LAMA2: variants seen among roughly 807,000 people sequenced by gnomAD.
LAMA2 encodes the protein laminin subunit alpha-2.
A neutral mutation model predicts 364.8 loss-of-function variants in LAMA2; 269 were observed. The ratio of observed to expected loss-of-function variants is 0.74; its 90% CI spans 0.67 to 0.82. The LOEUF (loss-of-function observed/expected upper bound fraction) is 0.82, where lower values mean the gene tolerates loss of function less well. Ranked by LOEUF, LAMA2 falls within the 40% of genes least tolerant of loss-of-function variation. LAMA2 has a pLI of 0.00. For synonymous variants in LAMA2, 1,379 were observed against 1,370.6 expected, an observed-to-expected ratio of 1.01 and a Z score of -0.14; for missense variants, 3,807 against 3,873.2, an observed-to-expected ratio of 0.98 and a Z score of 0.45.
rs1583768544 is a variant in LAMA2 at position 129,445,725 on chromosome 6, TAAACTC to T, written c.6338_6343del (p.Leu2113_Lys2114del). 8 of 1,613,814 alleles carry T rather than the reference TAAACTC, an allele frequency of 5.0e-6. No homozygotes were observed. The highest frequency in any genetic ancestry group is 6.8e-6 in the Non-Finnish European group (8 of 1,179,838). ...AACAGGAAGCTGACCGGCTAATAGA[TAAACTC>T]AAACCCATCAAGGAACTTGAGGATA... is the stretch of plus-strand genomic sequence containing the variant. On this transcript the variant is annotated inframe_deletion, in exon 45 of 65. Transcript: ENST00000421865.
At chr6:129,017,138 T>C (rs1447785979) in intron 1 of LAMA2, among the ~76,000 whole-genome samples, 8 of 151,994 alleles carry the variant, frequency 5.3e-5, no homozygotes, top group Non-Finnish European at 1.0e-4. Context: ...ATAAAACTCT[T>C]TTCTGAACAA....
rs1777772044 is a variant in LAMA2 at position 129,136,039 on chromosome 6, AAGTG to A, written c.640-7859_640-7856del. Among the ~76,000 whole-genome samples, 9 of 152,274 alleles carry A rather than the reference AAGTG, an allele frequency of 5.9e-5. No individual in the cohort carries two copies. In the South Asian group the frequency reaches 1.9e-3, roughly 32 times the overall value. On this transcript the variant is annotated intron_variant, in intron 4 of 64. Transcript: ENST00000421865. ...TCAAATTCCTTTCAGAGAAAAAAAA[AAGTG>A]AGAGGGAAGGGGGAAATTTGCATTT...
chr6:128,991,792 A>T (rs79483681), intron 1 of LAMA2, among the ~76,000 whole-genome samples: 3 of 152,186 alleles, frequency 2.0e-5, no homozygotes, highest in African/African-American at 7.2e-5. Flanking sequence ...AAAACTTTCT[A>T]TGTGCCCCTG....
intron 58 of LAMA2, among the ~76,000 whole-genome samples, chr6:129,498,346 A>G (rs1785356051): frequency 6.6e-6 from 1 of 152,218 alleles, no homozygotes; most frequent in African/African-American, 2.4e-5. Flanking sequence ...CACCTTTAAG[A>G]CCTAAGTACA....
At chr6:129,302,419 T>C (rs1008565378) in intron 22 of LAMA2, among the ~76,000 whole-genome samples, 3 of 152,092 alleles carry the variant, frequency 2.0e-5, no homozygotes, top group African/African-American at 7.2e-5. Context: ...ACATGTTCTT[T>C]AACGTATGTT....
intron 29 of LAMA2, among the ~76,000 whole-genome samples, chr6:129,330,826 G>T (rs571511880): frequency 6.6e-6 from 1 of 151,504 alleles, no homozygotes; most frequent in African/African-American, 2.4e-5. Context: ...TTACTCAAGT[G>T]AACTCCAACA....
At chr6:129,064,980 T>C (rs9482977) in intron 3 of LAMA2, among the ~76,000 whole-genome samples, 4,276 of 152,226 alleles carry the variant, frequency 0.028, 194 homozygotes, top group African/African-American at 0.098. Flanking sequence ...AGATCAATAT[T>C]TTTGATGAAC....
intron 10 of LAMA2, among the ~76,000 whole-genome samples, chr6:129,179,121 G>A (rs1280138538): frequency 2.6e-5 from 4 of 151,668 alleles, no homozygotes; most frequent in African/African-American, 7.3e-5. Flanking sequence ...GTGTGTGAGT[G>A]ATTGCTTGCT....
intron 4 of LAMA2, among the ~76,000 whole-genome samples, chr6:129,119,086 A>G (rs970820628): frequency 6.6e-6 from 1 of 152,238 alleles, no homozygotes; most frequent in Non-Finnish European, 1.5e-5. Context: ...CACTGCTAGC[A>G]GCAATTAACA....
In LAMA2 at chr6:129,149,066, G is replaced by A; in HGVS notation, c.997G>A (p.Gly333Arg). 1 of 1,610,940 alleles carries A rather than the reference G, an allele frequency of 6.2e-7. No homozygotes were observed. Among genetic ancestry groups the A allele is most frequent in the Non-Finnish European group, 8.5e-7 (1 of 1,177,248 alleles). ...ATTCCATCAGAAACCCTGGAGAGCT[G>A]GAACTTTTCTAACTAAAACTGAATG... Reference protein sequence around the residue: ...PGFHQKPWRAGTFLTKTECEA... With the variant: ...PGFHQKPWRARTFLTKTECEA... Residue 333 changes from glycine (G) to arginine (R), a missense_variant, in exon 7 of 65, where the codon GGA (glycine) becomes AGA (arginine). This residue lies in a region of LAMA2 where 80 missense variants were observed against 124.0 expected (regional missense o/e 0.65). Coordinates refer to ENST00000421865, the MANE Select transcript of LAMA2 (RefSeq NM_000426.4).
chr6:129,249,111 T>C (rs1785984091), intron 12 of LAMA2, among the ~76,000 whole-genome samples: 2 of 152,136 alleles, frequency 1.3e-5, no homozygotes, highest in Non-Finnish European at 2.9e-5. Context: ...GGAATCAGGG[T>C]TCTTCCTCCT....
At chr6:128,951,866 C>T (rs995078756) in intron 1 of LAMA2, among the ~76,000 whole-genome samples, 1 of 152,140 alleles carries the variant, frequency 6.6e-6, no homozygotes, top group African/African-American at 2.4e-5. Context: ...CCTCAACACT[C>T]GGCATTTCAG....
chr6:129,258,489 T>G (rs1786866500), intron 14 of LAMA2, among the ~76,000 whole-genome samples: 1 of 152,106 alleles, frequency 6.6e-6, no homozygotes, highest in Middle Eastern at 3.4e-3. Context: ...AAGCAGATTG[T>G]TAGTTTACAG....
intron 18 of LAMA2, among the ~76,000 whole-genome samples, chr6:129,281,965 C>G (rs530003161): frequency 7.2e-5 from 11 of 152,078 alleles, no homozygotes; most frequent in African/African-American, 2.7e-4. Context: ...TTGAGATGTG[C>G]CTGTTGAAGT....
chr6:129,362,360 T>G (rs1222107131), intron 32 of LAMA2, among the ~76,000 whole-genome samples: 1 of 152,138 alleles, frequency 6.6e-6, no homozygotes, highest in Non-Finnish European at 1.5e-5. Flanking sequence ...AGGTTTTCTA[T>G]CTTGTTCTCA....
intron 3 of LAMA2, among the ~76,000 whole-genome samples, chr6:129,074,484 A>C (rs1456711138): frequency 6.6e-6 from 1 of 152,196 alleles, no homozygotes; most frequent in Non-Finnish European, 1.5e-5. Context: ...CCCTGAGAGG[A>C]AAATGGCTAG....
At chr6:129,437,967 A>AACTT (rs144069907) in intron 41 of LAMA2, among the ~76,000 whole-genome samples, 3,888 of 151,856 alleles carry the variant, frequency 0.026, 170 homozygotes, top group African/African-American at 0.089. Flanking sequence ...GCAGCTAGAA[A>AACTT]ACTTATATAT....
chr6:129,327,385 G>A (rs1158671906), intron 28 of LAMA2, among the ~76,000 whole-genome samples: 3 of 151,518 alleles, frequency 2.0e-5, no homozygotes, highest in Admixed American at 1.3e-4. Flanking sequence ...TTTCATCAAT[G>A]GGCATAAGAT....
At chr6:129,300,559 T>G (rs1305866866) in intron 21 of LAMA2, among the ~76,000 whole-genome samples, 177 bp from the exon 22 acceptor site, 1 of 152,188 alleles carries the variant, frequency 6.6e-6, no homozygotes, top group Non-Finnish European at 1.5e-5. Flanking sequence ...AGCTCCTTTC[T>G]GAAATACATT....
Sources: allele counts gnomAD v4.1 joint callset (sites outside exome capture counted in the v4.1 genomes callset), GRCh38; gene constraint gnomAD v4.1.1; regional missense constraint gnomAD v4.1.1; transcripts MANE v1.5; gene names NCBI Gene and HGNC (gene_info 2026-07-23, HGNC 2026-07-21).